UBXN7: variants seen among roughly 807,000 people sequenced by gnomAD.
UBXN7 encodes the protein UBX domain protein 7.
In UBXN7, 9 loss-of-function variants were observed where a neutral mutation model predicts 58.0. That is an observed-to-expected ratio of 0.16 (90% CI 0.09 to 0.27). The LOEUF (loss-of-function observed/expected upper bound fraction) is 0.27, where lower values mean the gene tolerates loss of function less well. UBXN7 is among the 10% of genes least tolerant of loss of function. The pLI is 1.00. For missense variants in UBXN7, 328 were observed against 599.6 expected (o/e 0.55, Z 4.73); for synonymous variants, 208 against 205.0 (o/e 1.01, Z -0.12).
At position 196,417,723 on chromosome 3, in the gene UBXN7, TTAAAAAAAA is replaced by T. The variant is rs1730542578; in HGVS notation, c.74-10339_74-10331del. On this transcript the variant is annotated intron_variant, in intron 1 of 10. Transcript: ENST00000296328. ...TTTGAGACCAGTCTGGGCAAAATGG[TTAAAAAAAA>T]AAAAAAAAAAAAAAAAAAAAAAAAA... Among the ~76,000 whole-genome samples the T allele has an allele frequency of 5.1e-5, 4 of 78,438 alleles. 1 individual carries two copies. The highest frequency in any genetic ancestry group is 3.9e-4 in the East Asian group (1 of 2,534). 51.5% of individuals were successfully genotyped at this position (78,438 alleles called of 152,430 possible). A position where few individuals can be genotyped will look rare whatever the true frequency, so the allele number is the denominator to read the frequency against.
chr3:196,428,795 G>A (rs1730927188), intron 1 of UBXN7, among the ~76,000 whole-genome samples: 1 of 151,144 alleles, frequency 6.6e-6, no homozygotes, highest in South Asian at 2.1e-4. Flanking sequence ...ACTCTAGTCT[G>A]GGTGGCAGTG....
At chr3:196,402,517 G>A (rs1730025856) in intron 3 of UBXN7, among the ~76,000 whole-genome samples, 1 of 152,164 alleles carries the variant, frequency 6.6e-6, no homozygotes, top group African/African-American at 2.4e-5. Flanking sequence ...TCTATCGCCA[G>A]TCTCTATCCA....
intron 5 of UBXN7, among the ~76,000 whole-genome samples, chr3:196,384,612 C>G (rs573057956): frequency 6.6e-6 from 1 of 152,128 alleles, no homozygotes; most frequent in Non-Finnish European, 1.5e-5. Context: ...ATGATCAAGT[C>G]GGCTTCATCC....
At chr3:196,384,218 T>C (rs1285080996) in intron 5 of UBXN7, among the ~76,000 whole-genome samples, 2 of 152,170 alleles carry the variant, frequency 1.3e-5, no homozygotes, top group Non-Finnish European at 2.9e-5. Context: ...GGCAAATTCC[T>C]GGACACATAC....
At chr3:196,420,587 A>G (rs1406522887) in intron 1 of UBXN7, among the ~76,000 whole-genome samples, 1 of 152,094 alleles carries the variant, frequency 6.6e-6, no homozygotes, top group East Asian at 1.9e-4. Context: ...AGGCTCCGAT[A>G]TTGTAGGCAG....
rs185858330 is a variant in UBXN7, at chr3:196,390,448, G to C, written c.468+1365C>G. On this transcript the variant is annotated intron_variant, in intron 5 of 10. Coordinates refer to ENST00000296328, the MANE Select transcript of UBXN7 (RefSeq NM_015562.2). ...TGGCCTACAGGGTCCTAACAGGTAA[G>C]ACTTAACTGAAGGCTGGGCGCGGTG... Among the ~76,000 whole-genome samples the C allele has an allele frequency of 3.1e-3, 465 of 152,048 alleles. 4 individuals are homozygous for C. The highest frequency in any genetic ancestry group is 0.011 in the African/African-American group (446 of 41,502).
At chr3:196,423,189 A>G (rs1382853566) in intron 1 of UBXN7, 1 of 152,954 alleles carries the variant, frequency 6.5e-6, no homozygotes, top group Non-Finnish European at 1.5e-5. Context: ...GATCATCTCT[A>G]CCACAAGCGG....
At chr3:196,396,404 A>C (rs1729773680) in intron 3 of UBXN7, among the ~76,000 whole-genome samples, 1 of 151,970 alleles carries the variant, frequency 6.6e-6, no homozygotes, top group African/African-American at 2.4e-5. Flanking sequence ...CTTAAAAAAA[A>C]AAAAAAAAAA....
rs756002420 is a variant in UBXN7, at chr3:196,407,289, T to C, written c.178A>G (p.Ser60Gly). Reference protein sequence around the residue: ...LDGGGIAEEPSTSSASVSTVR... With the variant: ...LDGGGIAEEPGTSSASVSTVR... ...GTAGAGACACTTGCTGAACTGGTACTGGGCTCTTCAGCGATTCCTCCACCA... is the reference window on the plus strand; with the variant it reads ...GTAGAGACACTTGCTGAACTGGTACCGGGCTCTTCAGCGATTCCTCCACCA... The change falls in exon 2 of 11, where the codon AGT becomes GGT. Residue 60 changes from serine to glycine, a missense_variant. Coordinates refer to ENST00000296328, the MANE Select transcript of UBXN7 (RefSeq NM_015562.2). The C allele has an allele frequency of 2.5e-6, 4 of 1,614,232 alleles. No individual in the cohort carries two copies. Among genetic ancestry groups the C allele is most frequent in the East Asian group, 2.2e-5 (1 of 44,886 alleles).
At chr3:196,427,719 T>C (rs1730895243) in intron 1 of UBXN7, among the ~76,000 whole-genome samples, 1 of 152,228 alleles carries the variant, frequency 6.6e-6, no homozygotes, top group South Asian at 2.1e-4. Flanking sequence ...TCAACAGTAA[T>C]TCAAAGCCAT....
At chr3:196,366,826 C>T (rs1728680809) in intron 8 of UBXN7, among the ~76,000 whole-genome samples, 1 of 152,188 alleles carries the variant, frequency 6.6e-6, no homozygotes, top group Admixed American at 6.5e-5. Flanking sequence ...GAGGTGGAGG[C>T]TGTAGCGAGC....
chr3:196,391,979 A>AG, intron 4 of UBXN7, 54 bp from the exon 5 acceptor site: 1 of 98,644 alleles, frequency 1.0e-5, no homozygotes, highest in Non-Finnish European at 1.5e-5. Context: ...AATCACACTG[A>AG]AAAAAAAAAA....
chr3:196,404,558 G>C (rs909353075), intron 2 of UBXN7, among the ~76,000 whole-genome samples: 1 of 151,968 alleles, frequency 6.6e-6, no homozygotes, highest in Non-Finnish European at 1.5e-5. Flanking sequence ...CACCGCGCCC[G>C]GCCAATGGTT....
At chr3:196,363,737 T>C (rs1728577416) in intron 8 of UBXN7, among the ~76,000 whole-genome samples, 1 of 152,138 alleles carries the variant, frequency 6.6e-6, no homozygotes, top group African/African-American at 2.4e-5. Flanking sequence ...GAGACCAGCC[T>C]GGCCAACATG....
At chr3:196,367,168 A>ACAAG (rs1319884463) in intron 8 of UBXN7, among the ~76,000 whole-genome samples, 2 of 151,070 alleles carry the variant, frequency 1.3e-5, no homozygotes, top group African/African-American at 4.9e-5. Context: ...TAGCAACAGA[A>ACAAG]CAAGACTCTG....
chr3:196,421,792 A>G (rs1560244747), intron 1 of UBXN7, among the ~76,000 whole-genome samples: 1 of 152,070 alleles, frequency 6.6e-6, no homozygotes, highest in Non-Finnish European at 1.5e-5. Context: ...AAAAAAAAAA[A>G]GATTTATAGA....
At chr3:196,358,068 A>C (rs1189796613) in intron 10 of UBXN7, among the ~76,000 whole-genome samples, 1 of 152,088 alleles carries the variant, frequency 6.6e-6, no homozygotes, top group African/African-American at 2.4e-5. Context: ...AAACAACACA[A>C]ACCAAAAACC....
intron 8 of UBXN7, among the ~76,000 whole-genome samples, chr3:196,365,055 C>A (rs1728624290): frequency 8.4e-6 from 1 of 118,678 alleles, no homozygotes; most frequent in Non-Finnish European, 2.1e-5. Context: ...TTTCATTCTC[C>A]TCTGATTTCC....
chr3:196,380,635 G>T (rs569219547), intron 5 of UBXN7, among the ~76,000 whole-genome samples: 1 of 152,354 alleles, frequency 6.6e-6, no homozygotes, highest in South Asian at 2.1e-4. Flanking sequence ...GGTGGAGAGC[G>T]GGTGCAGCCC....
Sources: allele counts gnomAD v4.1 joint callset (sites outside exome capture counted in the v4.1 genomes callset), GRCh38; gene constraint gnomAD v4.1.1; transcripts MANE v1.5; gene names NCBI Gene and HGNC (gene_info 2026-07-23, HGNC 2026-07-21).